Variants in SCML4 observed in about 807,000 individuals in gnomAD.
SCML4 encodes the protein Scm polycomb group protein like 4.
SCML4 carries 34 observed loss-of-function variants against 41.1 expected under a neutral mutation model. The ratio of observed to expected loss-of-function variants is 0.83; its 90% confidence interval spans 0.63 to 1.10. The LOEUF (loss-of-function observed/expected upper bound fraction) is 1.10. Ranked by LOEUF, SCML4 falls within the 50% of genes least tolerant of loss-of-function variation. The pLI is 0.00. For synonymous variants in SCML4, 214 were observed against 220.9 expected, an observed-to-expected ratio of 0.97 and a Z score of 0.28; for missense variants, 522 against 534.1, an observed-to-expected ratio of 0.98 and a Z score of 0.22.
At chr6:107,822,223 G>A (rs958870992) in intron 1 of SCML4, among the ~76,000 whole-genome samples, 1 of 152,070 alleles carries the variant, frequency 6.6e-6, no homozygotes, top group Non-Finnish European at 1.5e-5. Flanking sequence ...ATATTGTTTT[G>A]AACTCTCATT....
chr6:107,794,075 T>C (rs1304048456), intron 1 of SCML4, among the ~76,000 whole-genome samples: 1 of 152,272 alleles, frequency 6.6e-6, no homozygotes, highest in Non-Finnish European at 1.5e-5. Context: ...TCTCTTGTGA[T>C]ATTTCATAAC....
intron 2 of SCML4, among the ~76,000 whole-genome samples, chr6:107,754,079 A>G (rs1477677817): frequency 6.6e-6 from 1 of 152,162 alleles, no homozygotes; most frequent in East Asian, 1.9e-4. Context: ...AGCAGCACTG[A>G]GGGGGCACTG....
intron 2 of SCML4, 119 bp from the exon 3 acceptor site, chr6:107,749,932 T>C: frequency 9.7e-7 from 1 of 1,030,284 alleles, no homozygotes; most frequent in African/African-American, 1.6e-5. Flanking sequence ...CACCTTTCCA[T>C]CCTGCAGTTT....
upstream of SCML4, among the ~76,000 whole-genome samples, chr6:107,826,877 C>A (rs1325924531): frequency 7.9e-5 from 12 of 151,752 alleles, no homozygotes; most frequent in Non-Finnish European, 1.5e-4. Context: ...TCCTGGCTAA[C>A]ACGGTGAAAC....
At chr6:107,811,873 G>A (rs1254324837) in intron 1 of SCML4, among the ~76,000 whole-genome samples, 2 of 152,180 alleles carry the variant, frequency 1.3e-5, no homozygotes, top group African/African-American at 2.4e-5. Flanking sequence ...TGGACCAGTC[G>A]TGGCGTCTAT....
chr6:107,819,625 C>A (rs1340415910), intron 1 of SCML4, among the ~76,000 whole-genome samples: 1 of 143,024 alleles, frequency 7.0e-6, no homozygotes, highest in Non-Finnish European at 1.5e-5. Flanking sequence ...TGAAAATCAG[C>A]AATGGTGGGT....
At chr6:107,835,615 C>A in the SCML4 span, among the ~76,000 whole-genome samples, 1 of 151,566 alleles carries the variant, frequency 6.6e-6, no homozygotes, top group Non-Finnish European at 1.5e-5. Context: ...GTGGCATGCA[C>A]CTGTAGTTTC....
intron 1 of SCML4, among the ~76,000 whole-genome samples, chr6:107,777,177 G>C (rs1173564318): frequency 2.0e-5 from 3 of 152,174 alleles, no homozygotes; most frequent in African/African-American, 7.2e-5. Flanking sequence ...GAGTGCAGTG[G>C]CACAATCTCG....
intron 2 of SCML4, among the ~76,000 whole-genome samples, chr6:107,756,435 C>G (rs1317173689): frequency 6.6e-6 from 1 of 152,128 alleles, no homozygotes; most frequent in Non-Finnish European, 1.5e-5. Flanking sequence ...ACAAAATACC[C>G]AACCAGTACT....
At chr6:107,781,070 G>A (rs2114594201) in intron 1 of SCML4, among the ~76,000 whole-genome samples, 1 of 152,198 alleles carries the variant, frequency 6.6e-6, no homozygotes, top group South Asian at 2.1e-4. Flanking sequence ...GGCGATTTTA[G>A]TAAGTATAGG....
At chr6:107,834,324 A>G in the SCML4 span, among the ~76,000 whole-genome samples, 1 of 152,218 alleles carries the variant, frequency 6.6e-6, no homozygotes, top group Non-Finnish European at 1.5e-5. Flanking sequence ...TCTCAAGGAC[A>G]TAGGCACAGC....
rs576671202 is a variant in SCML4 at position 107,823,393 on chromosome 6, T to G, written c.-60+733A>C. Among the ~76,000 whole-genome samples, 3 of 152,290 alleles carry G rather than the reference T, an allele frequency of 2.0e-5. No individual in the cohort carries two copies. The South Asian group carries it at 6.2e-4, about 32-fold the overall frequency. On this transcript the variant is annotated intron_variant, in intron 1 of 7. Transcript: ENST00000369020. Reference sequence around the variant, plus strand: ...TCAACCTGGAGAGGACCCCTCATGCTTTGGGAGGAGCACGTGGAAGCTGGT... The same window carrying G: ...TCAACCTGGAGAGGACCCCTCATGCGTTGGGAGGAGCACGTGGAAGCTGGT...
intron 1 of SCML4, among the ~76,000 whole-genome samples, chr6:107,811,125 G>A (rs1317931258): frequency 6.6e-6 from 1 of 152,172 alleles, no homozygotes; most frequent in Non-Finnish European, 1.5e-5. Context: ...AGAGGGCTCA[G>A]AGAAACAAGA....
At chr6:107,796,875 G>C (rs117274531) in intron 1 of SCML4, among the ~76,000 whole-genome samples, 3,585 of 152,132 alleles carry the variant, frequency 0.024, 61 homozygotes, top group South Asian at 0.058. Context: ...AAGGCTGAGG[G>C]TTCACTCTTT....
rs34162746 is a variant in SCML4, at chr6:107,800,043, G to GT, written c.-60+24082dup. On this transcript the variant is annotated intron_variant, in intron 1 of 7. Coordinates refer to ENST00000369020, the MANE Select transcript of SCML4 (RefSeq NM_198081.5). ...TGTTTTGTTGTTTTGAGATGGGGGG[G>GT]TCTGAATTTGTTCCCCATGCTGGTC... is the stretch of plus-strand genomic sequence containing the variant. Among the ~76,000 whole-genome samples, 5 of 151,196 alleles carry GT rather than the reference G, an allele frequency of 3.3e-5. No homozygotes were observed. In the East Asian group the frequency reaches 9.7e-4, roughly 29 times the overall value.
chr6:107,717,788 T>G (rs1774983919), intron 6 of SCML4, among the ~76,000 whole-genome samples: 1 of 152,230 alleles, frequency 6.6e-6, no homozygotes, highest in Admixed American at 6.5e-5. Flanking sequence ...CCTCAAGTGA[T>G]CCACCCGCCT....
chr6:107,764,493 T>G (rs1020278130), intron 2 of SCML4, among the ~76,000 whole-genome samples: 1 of 152,108 alleles, frequency 6.6e-6, no homozygotes, highest in Non-Finnish European at 1.5e-5. Context: ...TCGGATCCTA[T>G]GGGTTCAGAT....
chr6:107,838,747 T>G, the SCML4 span, among the ~76,000 whole-genome samples: 1 of 152,156 alleles, frequency 6.6e-6, no homozygotes, highest in South Asian at 2.1e-4. Context: ...GGGATAAATT[T>G]GTGATAGATG....
chr6:107,821,387 T>A (rs946554848), intron 1 of SCML4, among the ~76,000 whole-genome samples: 1 of 152,164 alleles, frequency 6.6e-6, no homozygotes, highest in African/African-American at 2.4e-5. Context: ...AGAAATAAGA[T>A]GTCTAGGGAG....
Sources: allele counts gnomAD v4.1 joint callset (sites outside exome capture counted in the v4.1 genomes callset), GRCh38; gene constraint gnomAD v4.1.1; transcripts MANE v1.5; gene names NCBI Gene and HGNC (gene_info 2026-07-23, HGNC 2026-07-21).